The following CTH variants were observed in gnomAD, a reference collection of about 807,000 sequenced individuals.
CTH encodes cystathionase (cystathionine gamma-lyase).
CTH carries 41 observed loss-of-function variants against 50.6 expected under a neutral mutation model. The ratio of observed to expected loss-of-function variants is 0.81; its 90% CI spans 0.63 to 1.05. The LOEUF (loss-of-function observed/expected upper bound fraction) is 1.05. CTH is among the 50% of genes least tolerant of loss of function. The probability of loss-of-function intolerance (pLI) is 0.00; values close to 1 mark genes in which losing one functional copy is unlikely to be tolerated. For synonymous variants in CTH, 156 were observed against 168.9 expected (o/e 0.92, Z 0.59); for missense variants, 470 against 492.6 (o/e 0.95, Z 0.43).
At chr1:70,419,969 C>T (rs1201831012) in intron 3 of CTH, among the ~76,000 whole-genome samples, 1 of 151,406 alleles carries the variant, frequency 6.6e-6, no homozygotes, top group Non-Finnish European at 1.5e-5. Flanking sequence ...CAGTTCCCAA[C>T]CTTTTTGGCA....
At chr1:70,422,296 G>A (rs1201490325) in intron 4 of CTH, among the ~76,000 whole-genome samples, 3 of 152,110 alleles carry the variant, frequency 2.0e-5, no homozygotes, top group Non-Finnish European at 2.9e-5. Context: ...CCACCGGAAG[G>A]TGTTTTGTGT....
chr1:70,439,171 A>G lies in CTH; in HGVS notation c.*44A>G, dbSNP rs151206587. On this transcript the variant is annotated 3_prime_UTR_variant, in exon 12 of 12. Coordinates refer to ENST00000370938, the MANE Select transcript of CTH (RefSeq NM_001902.6). ...AGAAGCTGCTTCCTGTGAAGATCAA[A>G]TCTTCCTGAGTAATTAAATGGACCA... The G allele has an allele frequency of 2.5e-4, 391 of 1,580,700 alleles. 1 individual carries two copies. In the African/African-American group the frequency reaches 4.4e-3, roughly 18 times the overall value.
intron 8 of CTH, 119 bp from the exon 9 acceptor site, chr1:70,433,709 G>A (rs1213292530): frequency 1.9e-5 from 27 of 1,458,030 alleles, no homozygotes; most frequent in Non-Finnish European, 2.4e-5. Context: ...TGTGAGCATG[G>A]CATAATCCTC....
At chr1:70,431,802 A>G (rs1043214029) in intron 7 of CTH, among the ~76,000 whole-genome samples, 1 of 152,270 alleles carries the variant, frequency 6.6e-6, no homozygotes, top group African/African-American at 2.4e-5. Flanking sequence ...TATTAAAATC[A>G]TAGAAAGGAC....
chr1:70,434,940 A>G (rs958628549), intron 9 of CTH, 185 bp from the exon 10 acceptor site: 1 of 411,072 alleles, frequency 2.4e-6, no homozygotes, highest in Non-Finnish European at 4.5e-6. Flanking sequence ...TTTAGTAGAG[A>G]TGGGGTTTCA....
At chr1:70,426,923 C>A (rs1684357389) in intron 5 of CTH, among the ~76,000 whole-genome samples, 1 of 152,186 alleles carries the variant, frequency 6.6e-6, no homozygotes. Context: ...ACTCATCAAA[C>A]CTGGCCCTCT....
At chr1:70,429,972 A>C in intron 6 of CTH, 121 bp downstream of exon 6, 1 of 334,160 alleles carries the variant, frequency 3.0e-6, no homozygotes, top group East Asian at 6.4e-5. Flanking sequence ...TAGAGAGAGT[A>C]AAAAAAAAAA....
intron 3 of CTH, among the ~76,000 whole-genome samples, chr1:70,420,510 C>G (rs1224138984): frequency 1.3e-5 from 2 of 152,124 alleles, no homozygotes; most frequent in Admixed American, 6.5e-5. Flanking sequence ...TCTGATGCTG[C>G]CGCTGATTTG....
At chr1:70,436,282 C>T (rs769746909) in intron 10 of CTH, among the ~76,000 whole-genome samples, 4 of 152,012 alleles carry the variant, frequency 2.6e-5, no homozygotes, top group Non-Finnish European at 4.4e-5. Flanking sequence ...AAGCCAAGAT[C>T]GCACCACTGC....
intron 2 of CTH, 33 bp downstream of exon 2, chr1:70,416,070 A>G: frequency 1.7e-6 from 2 of 1,204,934 alleles, no homozygotes; most frequent in Non-Finnish European, 2.5e-6. Context: ...TCTAGAATCT[A>G]TTTTTAAATG....
chr1:70,430,603 G>A (rs577813560), intron 7 of CTH, among the ~76,000 whole-genome samples: 221 of 151,492 alleles, frequency 1.5e-3, no homozygotes, highest in African/African-American at 4.8e-3. Flanking sequence ...GTGAAGTGGC[G>A]TGATCTCAGC....
At chr1:70,439,032 CT>C in intron 11 of CTH, 68 bp from the exon 12 acceptor site, 1 of 1,548,034 alleles carries the variant, frequency 6.5e-7, no homozygotes, top group Non-Finnish European at 8.9e-7. Flanking sequence ...AGAAAAAGGA[CT>C]TCTTGAGGAG....
chr1:70,414,883 T>C (rs1281531646), intron 1 of CTH, among the ~76,000 whole-genome samples: 1 of 152,054 alleles, frequency 6.6e-6, no homozygotes, highest in Admixed American at 6.6e-5. Context: ...GCAGTGGCAC[T>C]ATCTCGGCTC....
At chr1:70,420,421 G>A (rs548827742) in intron 3 of CTH, among the ~76,000 whole-genome samples, 5 of 152,226 alleles carry the variant, frequency 3.3e-5, no homozygotes, top group African/African-American at 7.2e-5. Context: ...TAGATCCCTC[G>A]AAAGTTAGAT....
intron 5 of CTH, 106 bp downstream of exon 5, chr1:70,424,522 C>T: frequency 6.4e-7 from 1 of 1,557,090 alleles, no homozygotes; most frequent in African/African-American, 1.4e-5. Flanking sequence ...TTCATGAAAT[C>T]TAATCATAAT....
At position 70,411,365 on chromosome 1, in the gene CTH, CTGGTTATATCTTCG is replaced by C; in HGVS notation, c.-50_-37del. On this transcript the variant is annotated 5_prime_UTR_variant, in exon 1 of 12. Transcript: ENST00000370938. Reference sequence around the variant, plus strand: ...CCCAACCCCGGACACCCGGCTTCGACTGGTTATATCTTCGGTGTTCTTTTCCTCTCTTCTTCTTT... The same window carrying C: ...CCCAACCCCGGACACCCGGCTTCGACGTGTTCTTTTCCTCTCTTCTTCTTT... 6.2e-7 allele frequency: 1 copy of C among 1,606,074 alleles called. No homozygotes were observed. The highest frequency in any genetic ancestry group is 2.2e-5 in the East Asian group (1 of 44,838).
At chr1:70,433,985 T>A in intron 9 of CTH, 36 bp downstream of exon 9, 1 of 1,611,868 alleles carries the variant, frequency 6.2e-7, no homozygotes, top group South Asian at 1.1e-5. Context: ...TTGTAGGAGG[T>A]AAGGCCTTAC....
chr1:70,430,839 G>T, intron 7 of CTH: 1 of 151,262 alleles, frequency 6.6e-6, no homozygotes, highest in Non-Finnish European at 1.5e-5. Flanking sequence ...CACCGTGCCT[G>T]GCCAAAAAAA....
rs1355398833 is a variant in CTH, at chr1:70,416,029, C to A, written c.242C>A (p.Ala81Asp). 1 of 1,557,278 alleles carries A rather than the reference C, an allele frequency of 6.4e-7. No individual in the cohort carries two copies. Among genetic ancestry groups the A allele is most frequent in the South Asian group, 1.1e-5 (1 of 89,930 alleles). ...AAAGCAGTGGCAGCACTGGATGGGG[C>A]TAAGTACTGTAAGTAATTTCCATTT... ...LEKAVAALDG[A>D]KYCLAFASGL... Residue 81 changes from alanine to aspartate, a missense_variant, in exon 2 of 12, where the codon GCT becomes GAT. Transcript: ENST00000370938.
Sources: gnomAD v4.1 joint callset for allele counts (sites outside exome capture counted in the v4.1 genomes callset) on GRCh38, gnomAD v4.1.1 for gene constraint, MANE v1.5 for transcripts, NCBI Gene and HGNC (gene_info 2026-07-23, HGNC 2026-07-21) for gene names.